Variants in LPA observed in about 807,000 individuals in gnomAD.
LPA encodes the protein lipoprotein(a).
LPA carries 199 observed loss-of-function variants against 197.9 expected under a neutral mutation model. The observed-to-expected ratio is 1.01, with a 90% CI of 0.90 to 1.13. The LOEUF (loss-of-function observed/expected upper bound fraction) is 1.13. Among genes scored for constraint, LPA ranks in the 50% most tolerant of loss-of-function variants. The pLI is 0.00. For missense variants in LPA, 1,853 were observed against 1,785.8 expected, an observed-to-expected ratio of 1.04 and a Z score of -0.68; for synonymous variants, 715 against 639.5, an observed-to-expected ratio of 1.12 and a Z score of -1.78.
intron 28 of LPA, among the ~76,000 whole-genome samples, chr6:160,562,305 T>C (rs192115139): frequency 2.6e-5 from 4 of 152,330 alleles, no homozygotes; most frequent in Admixed American, 6.5e-5. Context: ...CAAAGGCCTT[T>C]TCTGCGTCTA....
chr6:160,591,213 C>T lies in LPA; in HGVS notation c.3630-112G>A. On this transcript the variant is annotated intron_variant, in intron 22 of 38. Transcript: ENST00000316300. ...TGGTAAAAAGTGACTTTGAAATATT[C>T]TCACTAAAGGTCCTGTAACAATCAC... is the stretch of plus-strand genomic sequence containing the variant. The T allele has an allele frequency of 7.5e-6, 10 of 1,328,836 alleles. No individual in the cohort carries two copies. In the South Asian group the frequency reaches 1.2e-4, roughly 17 times the overall value. The allele number at this position is 1,328,836 out of a possible 1,614,324, so 82.3% of individuals were successfully genotyped here.
At chr6:160,567,399 G>C (rs148197223) in intron 28 of LPA, among the ~76,000 whole-genome samples, 1,702 of 152,302 alleles carry the variant, frequency 0.011, 19 homozygotes, top group Non-Finnish European at 0.015. Context: ...TGACTACTGG[G>C]TATGTAACGA....
At chr6:160,641,093 A>G (rs1779845468) in intron 4 of LPA, among the ~76,000 whole-genome samples, 1 of 137,448 alleles carries the variant, frequency 7.3e-6, no homozygotes, top group African/African-American at 2.9e-5. Context: ...AACGCTTCTT[A>G]GAAACACTGA....
At chr6:160,584,225 T>TTCTTCC (rs1778856882) in intron 26 of LPA, among the ~76,000 whole-genome samples, 1 of 102,776 alleles carries the variant, frequency 9.7e-6, no homozygotes, top group African/African-American at 3.5e-5. Context: ...CTTCTTCTTC[T>TTCTTCC]TCTTCTTCTT....
chr6:160,593,567 G>T (rs547308450), intron 22 of LPA, among the ~76,000 whole-genome samples: 34 of 152,268 alleles, frequency 2.2e-4, no homozygotes, highest in South Asian at 1.7e-3. Context: ...TTTATTTGTT[G>T]CCCAAGATGA....
In LPA at chr6:160,545,443, A is replaced by T. The variant is rs189946882; in HGVS notation, c.5395T>A (p.Cys1799Ser). Reference protein sequence around the residue: ...KLFDYCDIPLCASSSFDCGKP... With the variant: ...KLFDYCDIPLSASSSFDCGKP... ...ACCAAAACAGAAGGCAACTTACCAC[A>T]GAGAGGGATATCACAGTAGTCAAAA... Residue 1799 changes from cysteine to serine, a missense_variant, in exon 33 of 39, where the codon TGT (cysteine) becomes AGT (serine). Around this residue, in one of 3 missense-constraint regions of LPA, gnomAD observed 1,737 missense variants for 1,504.4 expected, o/e 1.15. Coordinates refer to ENST00000316300, the MANE Select transcript of LPA (RefSeq NM_005577.4). 2.8e-5 allele frequency: 45 copies of T among 1,594,626 alleles called. No individual in the cohort carries two copies. In the East Asian group the frequency reaches 9.2e-4, roughly 32 times the overall value.
At position 160,538,082 on chromosome 6, in the gene LPA, GAC is replaced by G. The variant is rs1777921094; in HGVS notation, c.5736-123_5736-122del. The G allele has an allele frequency of 3.8e-6, 3 of 786,986 alleles. No homozygotes were observed. The South Asian group carries it at 4.4e-5, about 12-fold the overall frequency. The allele number at this position is 786,986 out of a possible 1,614,324, so 48.8% of individuals were successfully genotyped here. On this transcript the variant is annotated intron_variant, in intron 36 of 38. Transcript: ENST00000316300. ...TGAGCTGGCACTGCCTTGCTTCACTGACACAGAACAATGTAGAACACAGCGTT... is the reference window on the plus strand; with the variant it reads ...TGAGCTGGCACTGCCTTGCTTCACTGACAGAACAATGTAGAACACAGCGTT...
At chr6:160,588,540 G>A (rs1778960627) in intron 24 of LPA, among the ~76,000 whole-genome samples, 2 of 152,154 alleles carry the variant, frequency 1.3e-5, no homozygotes, top group South Asian at 4.1e-4. Context: ...TCTTTCCCAA[G>A]TAGCTTTTCT....
At chr6:160,589,991 G>A (rs951458539) in intron 23 of LPA, among the ~76,000 whole-genome samples, 1 of 152,216 alleles carries the variant, frequency 6.6e-6, no homozygotes, top group Non-Finnish European at 1.5e-5. Context: ...CTGTTCTTTG[G>A]CAAAGATCTC....
rs565517988 is a variant in LPA at position 160,568,373 on chromosome 6, A to G, written c.4631+8763T>C. On this transcript the variant is annotated intron_variant, in intron 28 of 38. Transcript: ENST00000316300. ...AAATGTAATCCATCATATAAACAGA[A>G]CCAAAGACAAAAACCACATGATTAT... Among the ~76,000 whole-genome samples the G allele has an allele frequency of 1.2e-4, 18 of 152,352 alleles. No homozygotes were observed. In the South Asian group the frequency reaches 2.5e-3, roughly 21 times the overall value.
intron 20 of LPA, among the ~76,000 whole-genome samples, chr6:160,597,817 C>T (rs1223529364): frequency 6.6e-6 from 1 of 152,140 alleles, no homozygotes; most frequent in Non-Finnish European, 1.5e-5. Flanking sequence ...ATGGTTCACA[C>T]TAAATGCTTT....
chr6:160,594,938 A>G (rs1180780799), intron 21 of LPA, among the ~76,000 whole-genome samples: 1 of 152,164 alleles, frequency 6.6e-6, no homozygotes, highest in Non-Finnish European at 1.5e-5. Flanking sequence ...ACAGACTCAA[A>G]AACCGCATTC....
chr6:160,577,254 C>G lies in LPA; in HGVS notation c.4513G>C (p.Gly1505Arg), dbSNP rs762251948. 3.1e-6 allele frequency: 5 copies of G among 1,613,652 alleles called. No individual in the cohort carries two copies. In the African/African-American group the frequency reaches 6.7e-5, roughly 22 times the overall value. The stretch of plus-strand genomic sequence containing the variant: ...ATGCCTCGATAACTCCGTCCATCAC[C>G]ATGGTAGCAATCCTGGACCACAGGG... ...KSPVVQDCYH[G>R]DGRSYRGISS... The change falls in exon 28 of 39, where the codon GGT becomes CGT. Residue 1505 changes from glycine to arginine, a missense_variant. Physicochemically the swap from Gly to Arg is moderately radical, Grantham distance 125. Coordinates refer to ENST00000316300, the MANE Select transcript of LPA (RefSeq NM_005577.4).
At chr6:160,588,407 G>T (rs1778957814) in intron 24 of LPA, among the ~76,000 whole-genome samples, 1 of 152,024 alleles carries the variant, frequency 6.6e-6, no homozygotes, top group African/African-American at 2.4e-5. Context: ...GCTTTCTTTG[G>T]TCTCTACTGA....
intron 30 of LPA, among the ~76,000 whole-genome samples, chr6:160,552,554 G>C (rs1043558529): frequency 2.0e-5 from 3 of 152,174 alleles, no homozygotes; most frequent in Non-Finnish European, 2.9e-5. Context: ...CATGTATACA[G>C]AAAAAGTTTT....
intron 16 of LPA, among the ~76,000 whole-genome samples, chr6:160,608,537 T>C (rs1779409728): frequency 1.3e-5 from 2 of 152,180 alleles, no homozygotes; most frequent in South Asian, 4.1e-4. Flanking sequence ...TATATCTTTG[T>C]CTTCTTACCG....
At chr6:160,577,688 TTCCC>T (rs1778710942) in intron 27 of LPA, among the ~76,000 whole-genome samples, 1 of 152,138 alleles carries the variant, frequency 6.6e-6, no homozygotes, top group South Asian at 2.1e-4. Flanking sequence ...CCTTGCGCAT[TTCCC>T]TAGACCATTG....
At chr6:160,559,066 T>C (rs1368720354) in intron 28 of LPA, among the ~76,000 whole-genome samples, 1 of 152,180 alleles carries the variant, frequency 6.6e-6, no homozygotes, top group Non-Finnish European at 1.5e-5. Flanking sequence ...TCTGCAATGT[T>C]GTTTTTTTGA....
chr6:160,572,900 G>C (rs761425807), intron 28 of LPA, among the ~76,000 whole-genome samples: 1 of 152,076 alleles, frequency 6.6e-6, no homozygotes, highest in Non-Finnish European at 1.5e-5. Flanking sequence ...AGATCTTTTT[G>C]TGATGAATTT....
Sources: gnomAD v4.1 joint callset for allele counts (sites outside exome capture counted in the v4.1 genomes callset) on GRCh38, gnomAD v4.1.1 for gene constraint, gnomAD v4.1.1 regional missense constraint, MANE v1.5 for transcripts, NCBI Gene and HGNC (gene_info 2026-07-23, HGNC 2026-07-21) for gene names.